The following NECTIN1 variants were observed in gnomAD, a reference collection of about 807,000 sequenced individuals.
NECTIN1 encodes nectin-1.
Under a neutral mutation model 48.0 loss-of-function variants are expected in NECTIN1, and 23 were observed. That is an observed-to-expected ratio of 0.48 (90% CI 0.34 to 0.68). The LOEUF is 0.68. NECTIN1 is among the 30% of genes least tolerant of loss of function. NECTIN1 has a pLI of 0.01. For missense variants in NECTIN1, 591 were observed against 709.9 expected (o/e 0.83, Z 1.90); for synonymous variants, 270 against 288.9 (o/e 0.93, Z 0.66).
chr11:119,643,552 C>T (rs1163243350), intron 5 of NECTIN1, among the ~76,000 whole-genome samples: 5 of 152,214 alleles, frequency 3.3e-5, no homozygotes, highest in Non-Finnish European at 7.3e-5. Context: ...TGCCATCCCC[C>T]TTTTCATCCC....
intron 4 of NECTIN1, among the ~76,000 whole-genome samples, chr11:119,675,976 A>G (rs1323029361): frequency 6.6e-6 from 1 of 151,238 alleles, no homozygotes; most frequent in Non-Finnish European, 1.5e-5. Context: ...ATTGCACTCC[A>G]GCCTGGGTGA....
Position 119,665,251 on chromosome 11 carries a change from CCCGGCGCG to C in NECTIN1, c.1042_1049del (p.Arg348AlafsTer38). On this transcript the variant is annotated frameshift_variant, in exon 6 of 6. Coordinates refer to ENST00000264025, the MANE Select transcript of NECTIN1 (RefSeq NM_002855.5). LOFTEE classifies it high-confidence loss of function. This position sits in a 1 kb window ranked among gnomAD's most constrained non-coding sequence, Gnocchi z 5.1. ...CCCCAATGATGGCCGTGGGCACCGG[CCCGGCGCG>C]CCGCCCATGTTCGGGAGGAGACGGG... The C allele has an allele frequency of 6.3e-7, 1 of 1,598,402 alleles. No homozygotes were observed. The highest frequency in any genetic ancestry group is 8.5e-7 in the Non-Finnish European group (1 of 1,177,314).
In NECTIN1 at chr11:119,678,123, G is replaced by A. The variant is rs188426573; in HGVS notation, c.431-266C>T. ...TCCCAGCATGTCTAAGGCAAGCAGC[G>A]CAGGTGGCTCCTTTCCTTACCGTGG... On this transcript the variant is annotated intron_variant, in intron 2 of 5. Transcript: ENST00000264025. This position sits in a 1 kb window ranked among gnomAD's most constrained non-coding sequence, Gnocchi z 4.4. 2.6e-4 allele frequency among the ~76,000 whole-genome samples: 39 copies of A among 152,316 alleles called. No individual in the cohort carries two copies. Among genetic ancestry groups the A allele is most frequent in the Admixed American group, 7.8e-4 (12 of 15,304 alleles).
chr11:119,727,017 C>T lies in NECTIN1; in HGVS notation c.79+1458G>A, dbSNP rs1314351378. Among the ~76,000 whole-genome samples, 1 of 152,118 alleles carries T rather than the reference C, an allele frequency of 6.6e-6. No individual in the cohort carries two copies. The highest frequency in any genetic ancestry group is 2.4e-5 in the African/African-American group (1 of 41,408). ...ACCTGTGAGCCCTGGATTTTCCCCACCCCCCACATCGAGCAGGGCAGCACC... is the reference window on the plus strand; with the variant it reads ...ACCTGTGAGCCCTGGATTTTCCCCATCCCCCACATCGAGCAGGGCAGCACC... On this transcript the variant is annotated intron_variant, in intron 1 of 5. Coordinates refer to ENST00000264025, the MANE Select transcript of NECTIN1 (RefSeq NM_002855.5). The surrounding 1 kb of genome is among the most constrained non-coding windows in gnomAD (Gnocchi z 4.1).
chr11:119,639,201 A>G (rs4409838), intron 6 of NECTIN1, among the ~76,000 whole-genome samples: 139,154 of 152,228 alleles, frequency 0.91, 63,751 homozygotes, highest in Admixed American at 0.94. Flanking sequence ...GAAATAACAC[A>G]TGATGCAAGA....
intron 1 of NECTIN1, among the ~76,000 whole-genome samples, chr11:119,699,333 C>T (rs1030205872): frequency 5.3e-5 from 8 of 150,060 alleles, no homozygotes; most frequent in Non-Finnish European, 7.4e-5. Flanking sequence ...CTAAGAGTTC[C>T]GACTGTCCTC....
intron 1 of NECTIN1, among the ~76,000 whole-genome samples, chr11:119,682,481 C>G (rs1865077361): frequency 6.6e-6 from 1 of 152,208 alleles, no homozygotes; most frequent in African/African-American, 2.4e-5. Flanking sequence ...TCCGTCACCA[C>G]CCTTTCAGGC....
At chr11:119,669,726 C>T (rs1163109168) in intron 5 of NECTIN1, among the ~76,000 whole-genome samples, 2 of 152,288 alleles carry the variant, frequency 1.3e-5, no homozygotes, top group South Asian at 4.1e-4. Context: ...TGCCCCACTC[C>T]TGGCACACAC....
chr11:119,665,353 G>A lies in NECTIN1; in HGVS notation c.1004-56C>T. On this transcript the variant is annotated intron_variant, in intron 5 of 5. Transcript: ENST00000264025. This position sits in a 1 kb window ranked among gnomAD's most constrained non-coding sequence, Gnocchi z 5.1. ...CATCAGCGTGTGCTCCTGGGGTGTA[G>A]AGGGGGTGGGAGGGAGGCAGGGAAA... 1 of 1,510,362 alleles carries A rather than the reference G, an allele frequency of 6.6e-7. No individual in the cohort carries two copies. The highest frequency in any genetic ancestry group is 2.1e-5 in the Admixed American group (1 of 47,786). 93.6% of individuals were successfully genotyped at this position (1,510,362 alleles called of 1,614,324 possible).
At chr11:119,675,110 C>T (rs748924438) in intron 5 of NECTIN1, 49 bp downstream of exon 5, 62 of 1,609,826 alleles carry the variant, frequency 3.9e-5, no homozygotes, top group African/African-American at 6.7e-5. Flanking sequence ...ATGCAGGTGG[C>T]GAAGGAACCC....
At chr11:119,728,392 A>G in intron 1 of NECTIN1, 83 bp downstream of exon 1, 1 of 1,363,228 alleles carries the variant, frequency 7.3e-7, no homozygotes, top group South Asian at 1.3e-5. Flanking sequence ...CACTCCCCAC[A>G]ATCCAGTCGT....
intron 1 of NECTIN1, among the ~76,000 whole-genome samples, chr11:119,687,582 T>C (rs952102965): frequency 1.8e-4 from 28 of 152,332 alleles, no homozygotes; most frequent in Admixed American, 1.1e-3. Context: ...TGTGCATTTT[T>C]AATGACACAT....
At position 119,684,112 on chromosome 11, in the gene NECTIN1, C is replaced by T. The variant is rs1038086645; in HGVS notation, c.80-5347G>A. Among the ~76,000 whole-genome samples, 1 of 152,260 alleles carries T rather than the reference C, an allele frequency of 6.6e-6. No individual in the cohort carries two copies. The highest frequency in any genetic ancestry group is 1.5e-5 in the Non-Finnish European group (1 of 68,048). The stretch of plus-strand genomic sequence containing the variant: ...TGGCACACTTCGCTCCCCACATACC[C>T]ACTTAAAGCAGTTTCTCTTCCTGCC... On this transcript the variant is annotated intron_variant, in intron 1 of 5. Coordinates refer to ENST00000264025, the MANE Select transcript of NECTIN1 (RefSeq NM_002855.5). This position sits in a 1 kb window ranked among gnomAD's most constrained non-coding sequence, Gnocchi z 5.2.
At chr11:119,655,436 T>C (rs986385422) in intron 5 of NECTIN1, among the ~76,000 whole-genome samples, 2 of 151,942 alleles carry the variant, frequency 1.3e-5, no homozygotes, top group African/African-American at 4.8e-5. Context: ...TGTAGGTAAG[T>C]GGGGTTGTTT....
At chr11:119,696,517 G>A (rs1234458448) in intron 1 of NECTIN1, among the ~76,000 whole-genome samples, 1 of 152,194 alleles carries the variant, frequency 6.6e-6, no homozygotes, top group Admixed American at 6.5e-5. Flanking sequence ...CACTGAGAGC[G>A]GGCAGAGCCT....
chr11:119,725,351 C>A (rs1865892766), intron 1 of NECTIN1, among the ~76,000 whole-genome samples: 1 of 152,196 alleles, frequency 6.6e-6, no homozygotes, highest in Non-Finnish European at 1.5e-5. Flanking sequence ...ACAAGGGCTA[C>A]CTGTCCCATA....
chr11:119,664,358 A>G lies in NECTIN1; in HGVS notation c.*389T>C. On this transcript the variant is annotated 3_prime_UTR_variant, in exon 6 of 6. Transcript: ENST00000264025. The stretch of plus-strand genomic sequence containing the variant: ...AGAGCCCCTTGAGCCCTCCACCCCC[A>G]GTGAAGAAACACAAACAAATTCCAG... The G allele has an allele frequency of 9.6e-7, 1 of 1,036,894 alleles. No homozygotes were observed. Among genetic ancestry groups the G allele is most frequent in the Non-Finnish European group, 1.2e-6 (1 of 861,696 alleles). The allele number at this position is 1,036,894 out of a possible 1,614,324, so 64.2% of individuals were successfully genotyped here.
At chr11:119,698,140 C>A (rs774515966) in intron 1 of NECTIN1, among the ~76,000 whole-genome samples, 5 of 152,266 alleles carry the variant, frequency 3.3e-5, no homozygotes, top group Non-Finnish European at 5.9e-5. Context: ...TTGGCAAAGG[C>A]TCCCAAGTGG....
chr11:119,676,611 G>A (rs1864954783), intron 4 of NECTIN1, among the ~76,000 whole-genome samples: 1 of 152,246 alleles, frequency 6.6e-6, no homozygotes, highest in South Asian at 2.1e-4. Flanking sequence ...AGGGGATGGT[G>A]GGCCGCAGGG....
Sources: allele counts gnomAD v4.1 joint callset (sites outside exome capture counted in the v4.1 genomes callset), GRCh38; gene constraint gnomAD v4.1.1; non-coding constraint Gnocchi (gnomAD v3.1); transcripts MANE v1.5; gene names NCBI Gene and HGNC (gene_info 2026-07-23, HGNC 2026-07-21).